PSME3IP1: variants seen among roughly 807,000 people sequenced by gnomAD.
PSME3IP1 encodes the protein proteasome activator subunit 3 interacting protein 1.
Under a neutral mutation model 34.1 loss-of-function variants are expected in PSME3IP1, and 13 were observed. That is an observed-to-expected ratio of 0.38 (90% CI 0.25 to 0.61). The LOEUF is 0.61. Ranked by LOEUF, PSME3IP1 falls within the 20% of genes least tolerant of loss-of-function variation. PSME3IP1 has a pLI of 0.60. For missense variants in PSME3IP1, 237 were observed against 301.4 expected, an observed-to-expected ratio of 0.79 and a Z score of 1.58; for synonymous variants, 93 against 114.3, an observed-to-expected ratio of 0.81 and a Z score of 1.19.
intron 1 of PSME3IP1, among the ~76,000 whole-genome samples, chr16:57,178,236 C>T (rs1267442322): frequency 3.3e-5 from 5 of 152,190 alleles, no homozygotes; most frequent in Non-Finnish European, 7.3e-5. Flanking sequence ...AATGCCCTTG[C>T]TTTCTTTTCA....
intron 4 of PSME3IP1, 146 bp downstream of exon 4, chr16:57,172,105 T>C: frequency 1.2e-6 from 1 of 837,546 alleles, no homozygotes; most frequent in Non-Finnish European, 1.9e-6. Flanking sequence ...TACCAGCTTT[T>C]CAGAATTACA....
At chr16:57,181,279 T>A (rs2073688412) in intron 1 of PSME3IP1, among the ~76,000 whole-genome samples, 1 of 152,154 alleles carries the variant, frequency 6.6e-6, no homozygotes, top group Admixed American at 6.5e-5. Context: ...TTTTACATAT[T>A]GTGACTCCTA....
intron 1 of PSME3IP1, among the ~76,000 whole-genome samples, chr16:57,183,271 T>C (rs1333422146): frequency 6.6e-6 from 1 of 152,186 alleles, no homozygotes; most frequent in Non-Finnish European, 1.5e-5. Flanking sequence ...TTTCTTGAAA[T>C]AGTGGGCTAG....
Position 57,172,824 on chromosome 16 carries a change from C to T in PSME3IP1, c.178G>A (p.Glu60Lys). The T allele has an allele frequency of 6.2e-7, 1 of 1,613,902 alleles. No individual in the cohort carries two copies. The highest frequency in any genetic ancestry group is 1.3e-5 in the African/African-American group (1 of 75,044). ...TCCTGCTGCTTCCTGTCCTTCTGTT[C>T]CTGTAGCCTTTCATATAGAGATCGA... is the stretch of plus-strand genomic sequence containing the variant. ...DPRSLYERLQ[E>K]QKDRKQQEYE... is the part of the protein sequence containing the mutation. The change falls in exon 3 of 7, where the codon GAA becomes AAA. Residue 60 changes from glutamate (E) to lysine (K), a missense_variant. Coordinates refer to ENST00000309137, the MANE Select transcript of PSME3IP1 (RefSeq NM_024946.4).
intron 6 of PSME3IP1, among the ~76,000 whole-genome samples, chr16:57,161,681 T>A (rs1335953153): frequency 2.0e-5 from 3 of 151,712 alleles, no homozygotes; most frequent in South Asian, 4.2e-4. Context: ...CCCAGCTAAT[T>A]TTTTGTATTT....
chr16:57,175,573 T>C (rs1330686344), intron 1 of PSME3IP1: 2 of 152,232 alleles, frequency 1.3e-5, no homozygotes, highest in South Asian at 4.1e-4. Context: ...TATTATCTAA[T>C]TTACATGATC....
intron 6 of PSME3IP1, among the ~76,000 whole-genome samples, chr16:57,157,556 G>A (rs2145431742): frequency 1.3e-5 from 2 of 152,094 alleles, no homozygotes; most frequent in South Asian, 4.1e-4. Flanking sequence ...GCTGGAAAAT[G>A]GGGGAGACTT....
Position 57,154,613 on chromosome 16 carries a change from C to A in PSME3IP1, c.548-106G>T, listed in dbSNP as rs1049075058. 19 of 942,850 alleles carry A rather than the reference C, an allele frequency of 2.0e-5. No individual in the cohort carries two copies. Among genetic ancestry groups the A allele is most frequent in the Non-Finnish European group, 2.8e-5 (18 of 640,102 alleles). The allele number at this position is 942,850 out of a possible 1,614,324, so 58.4% of individuals were successfully genotyped here. A position where few individuals can be genotyped will look rare whatever the true frequency, so the allele number is the denominator to read the frequency against. On this transcript the variant is annotated intron_variant, in intron 6 of 6. Coordinates refer to ENST00000309137, the MANE Select transcript of PSME3IP1 (RefSeq NM_024946.4). This position sits in a 1 kb window ranked among gnomAD's most constrained non-coding sequence, Gnocchi z 4.0. ...ACCAAGGGATTTTCCCACAGAGGAG[C>A]CTTAGAACAATGCTATGCAGCCAAT...
At chr16:57,181,306 T>A (rs1423758417) in intron 1 of PSME3IP1, among the ~76,000 whole-genome samples, 2 of 152,076 alleles carry the variant, frequency 1.3e-5, no homozygotes, top group Non-Finnish European at 2.9e-5. Flanking sequence ...AACCAACAAC[T>A]TCATCTGGGG....
Position 57,170,339 on chromosome 16 carries a change from T to A in PSME3IP1, c.348+1912A>T, listed in dbSNP as rs571883976. ...CTCAAGCGATCCTCCTGCCTCGGCC[T>A]CCCAAAGTGCTGGAATCAAAGGCGT... On this transcript the variant is annotated intron_variant, in intron 4 of 6. Transcript: ENST00000309137. 1.3e-3 allele frequency among the ~76,000 whole-genome samples: 199 copies of A among 152,270 alleles called. 1 individual carries two copies. Among genetic ancestry groups the A allele is most frequent in the African/African-American group, 4.6e-3 (191 of 41,556 alleles).
At chr16:57,185,726 T>C (rs2074120166) in intron 1 of PSME3IP1, 95 bp downstream of exon 1, 2 of 985,390 alleles carry the variant, frequency 2.0e-6, no homozygotes, top group South Asian at 9.4e-5. Flanking sequence ...AGAACAGGCC[T>C]GGCCCTAACC....
chr16:57,158,185 A>G (rs868245204), intron 6 of PSME3IP1, among the ~76,000 whole-genome samples: 11 of 152,374 alleles, frequency 7.2e-5, no homozygotes, highest in Middle Eastern at 6.8e-3. Context: ...AACATTTGGA[A>G]CATAACATCA....
chr16:57,179,121 T>C (rs547494313), intron 1 of PSME3IP1, among the ~76,000 whole-genome samples: 1 of 152,264 alleles, frequency 6.6e-6, no homozygotes, highest in African/African-American at 2.4e-5. Flanking sequence ...TTGTCCTTAC[T>C]GTGTTCCACT....
intron 1 of PSME3IP1, among the ~76,000 whole-genome samples, chr16:57,177,684 T>G (rs1448402096): frequency 6.6e-6 from 1 of 152,214 alleles, no homozygotes; most frequent in Non-Finnish European, 1.5e-5. Flanking sequence ...TCAAAACTAA[T>G]GCACACTTAC....
At chr16:57,173,682 G>A in intron 2 of PSME3IP1, 46 bp downstream of exon 2, 1 of 1,607,064 alleles carries the variant, frequency 6.2e-7, no homozygotes, top group Non-Finnish European at 8.5e-7. Flanking sequence ...ACTCTGCAGG[G>A]TTGCTGTGTG....
At chr16:57,177,615 A>T (rs750047518) in intron 1 of PSME3IP1, among the ~76,000 whole-genome samples, 219 of 152,362 alleles carry the variant, frequency 1.4e-3, no homozygotes, top group Admixed American at 3.7e-3. Context: ...GAAAAATACA[A>T]GAAATGTATT....
chr16:57,185,335 G>A (rs1027851401), intron 1 of PSME3IP1, among the ~76,000 whole-genome samples: 6 of 152,168 alleles, frequency 3.9e-5, no homozygotes, highest in African/African-American at 9.7e-5. Context: ...TCTGCAAAAC[G>A]GGCCAGCTGG....
chr16:57,160,622 C>T (rs2145515888), intron 6 of PSME3IP1, among the ~76,000 whole-genome samples: 1 of 152,232 alleles, frequency 6.6e-6, no homozygotes, highest in Admixed American at 6.5e-5. Context: ...AAGAATGAAA[C>T]AATCTAAGTG....
chr16:57,179,051 G>C (rs979533998), intron 1 of PSME3IP1, among the ~76,000 whole-genome samples: 1 of 152,292 alleles, frequency 6.6e-6, no homozygotes, highest in Admixed American at 6.5e-5. Context: ...TCAGGGATAC[G>C]GGCTCTAACT....
Sources: allele counts gnomAD v4.1 joint callset (sites outside exome capture counted in the v4.1 genomes callset), GRCh38; gene constraint gnomAD v4.1.1; non-coding constraint Gnocchi (gnomAD v3.1); transcripts MANE v1.5; gene names NCBI Gene and HGNC (gene_info 2026-07-23, HGNC 2026-07-21).